Variants in BICC1 observed in about 807,000 individuals in gnomAD.
The protein encoded by BICC1 is protein bicaudal C homolog 1.
In BICC1, 43 loss-of-function variants were observed where a neutral mutation model predicts 111.0. The observed-to-expected ratio is 0.39, with a 90% CI of 0.30 to 0.50. The LOEUF is 0.50. BICC1 is among the 20% of genes least tolerant of loss of function. BICC1 has a pLI of 0.88. For synonymous variants in BICC1, 467 were observed against 434.4 expected, an observed-to-expected ratio of 1.07 and a Z score of -0.93; for missense variants, 1,091 against 1,203.2, an observed-to-expected ratio of 0.91 and a Z score of 1.38.
At chr10:58,766,171 T>A (rs1842450392) in intron 3 of BICC1, among the ~76,000 whole-genome samples, 1 of 152,248 alleles carries the variant, frequency 6.6e-6, no homozygotes, top group Middle Eastern at 3.4e-3. Flanking sequence ...CTGCTTAGCA[T>A]CTGGTAGTTG....
intron 1 of BICC1, among the ~76,000 whole-genome samples, chr10:58,549,661 T>G (rs1260725375): frequency 6.6e-6 from 1 of 151,748 alleles, no homozygotes; most frequent in Non-Finnish European, 1.5e-5. Flanking sequence ...ATTGTTGAGT[T>G]TCAAGAATTG....
intron 1 of BICC1, among the ~76,000 whole-genome samples, chr10:58,513,966 T>C (rs1383901522): frequency 6.6e-6 from 1 of 152,230 alleles, no homozygotes. Flanking sequence ...GACAGGCTTA[T>C]AAAACACATC....
At chr10:58,560,305 C>G (rs1158474684) in intron 1 of BICC1, among the ~76,000 whole-genome samples, 1 of 151,996 alleles carries the variant, frequency 6.6e-6, no homozygotes, top group Non-Finnish European at 1.5e-5. Flanking sequence ...TTGTATGTGT[C>G]AAGGGATTTA....
chr10:58,582,550 T>C (rs2132015182), intron 1 of BICC1, among the ~76,000 whole-genome samples: 1 of 152,354 alleles, frequency 6.6e-6, no homozygotes, highest in Non-Finnish European at 1.5e-5. Flanking sequence ...CACTTGTATT[T>C]CCTATTGTTG....
intron 2 of BICC1, among the ~76,000 whole-genome samples, chr10:58,668,400 C>T (rs1839082833): frequency 6.6e-6 from 1 of 151,622 alleles, no homozygotes; most frequent in East Asian, 1.9e-4. Flanking sequence ...TTTTTTTTTC[C>T]AGATGAATTC....
At chr10:58,534,164 G>A (rs959870619) in intron 1 of BICC1, among the ~76,000 whole-genome samples, 1 of 151,690 alleles carries the variant, frequency 6.6e-6, no homozygotes, top group South Asian at 2.1e-4. Context: ...TAGAAAATAG[G>A]TAAAGGAGGG....
chr10:58,806,687 G>A lies in BICC1; in HGVS notation c.2221+64G>A, dbSNP rs370962709. On this transcript the variant is annotated intron_variant, in intron 16 of 20. Transcript: ENST00000373886. ...TAGTACACTCATAAATGTTTTTTGA[G>A]TACTCATGGTGAATCGAGAACTTGA... 1.0e-5 allele frequency: 14 copies of A among 1,359,566 alleles called. No individual in the cohort carries two copies. In the African/African-American group the frequency reaches 1.2e-4, roughly 11 times the overall value. 84.2% of individuals were successfully genotyped at this position (1,359,566 alleles called of 1,614,324 possible).
At chr10:58,628,559 A>G (rs1048049021) in intron 2 of BICC1, among the ~76,000 whole-genome samples, 5 of 151,980 alleles carry the variant, frequency 3.3e-5, no homozygotes, top group Non-Finnish European at 5.9e-5. Flanking sequence ...TTTCTTATTT[A>G]TCATATGACT....
At chr10:58,652,438 A>C (rs1250591751) in intron 2 of BICC1, among the ~76,000 whole-genome samples, 2 of 152,120 alleles carry the variant, frequency 1.3e-5, no homozygotes, top group Non-Finnish European at 1.5e-5. Context: ...TTTATAATAA[A>C]GCAAATTGAA....
At chr10:58,691,446 T>A (rs1839904565) in intron 2 of BICC1, among the ~76,000 whole-genome samples, 1 of 152,186 alleles carries the variant, frequency 6.6e-6, no homozygotes, top group Non-Finnish European at 1.5e-5. Flanking sequence ...CCCCAAGACC[T>A]GTTCTTCACT....
intron 3 of BICC1, among the ~76,000 whole-genome samples, chr10:58,762,905 A>T (rs1167036840): frequency 6.6e-6 from 1 of 151,404 alleles, no homozygotes; most frequent in African/African-American, 2.4e-5. Context: ...GGCCCAGTAC[A>T]TTCTTCAGTG....
chr10:58,512,872 A>T lies in BICC1; in HGVS notation c.-272A>T, dbSNP rs1842127594. Among the ~76,000 whole-genome samples, 1 of 147,760 alleles carries T rather than the reference A, an allele frequency of 6.8e-6. No homozygotes were observed. Among genetic ancestry groups the T allele is most frequent in the Non-Finnish European group, 1.5e-5 (1 of 66,352 alleles). The stretch of plus-strand genomic sequence containing the variant: ...GAGGCGCGGGCAGCGCGGCGCGCTC[A>T]TTCCGCGCGGGCGTTGCTGGCGGGG... On this transcript the variant is annotated 5_prime_UTR_variant, in exon 1 of 21. Transcript: ENST00000373886.
intron 3 of BICC1, among the ~76,000 whole-genome samples, chr10:58,763,988 A>C (rs561496171): frequency 6.6e-6 from 1 of 152,302 alleles, no homozygotes; most frequent in Non-Finnish European, 1.5e-5. Flanking sequence ...ATGAAGACTC[A>C]CAGGCATGGA....
rs577725804 is a variant in BICC1 at position 58,813,923 on chromosome 10, C to T, written c.2470C>T (p.Pro824Ser). Residue 824 changes from proline to serine, a missense_variant, in exon 18 of 21, where the codon CCT (proline) becomes TCT (serine). Pro to Ser is a moderately conservative substitution (Grantham distance 74). Coordinates refer to ENST00000373886, the MANE Select transcript of BICC1 (RefSeq NM_001080512.3). ...DNWRDRNGIGPGSHSEFAASI... is the reference protein window; with the variant it reads ...DNWRDRNGIGSGSHSEFAASI... ...CTGGAGAGACCGAAATGGAATTGGACCTGGAAGTCATAGTGAATTTGCAGC... is the reference window on the plus strand; with the variant it reads ...CTGGAGAGACCGAAATGGAATTGGATCTGGAAGTCATAGTGAATTTGCAGC... 4.3e-6 allele frequency: 7 copies of T among 1,614,002 alleles called. No individual in the cohort carries two copies. In the African/African-American group the frequency reaches 6.7e-5, roughly 15 times the overall value.
intron 17 of BICC1, among the ~76,000 whole-genome samples, chr10:58,808,059 A>G (rs1264333870): frequency 6.7e-6 from 1 of 149,614 alleles, no homozygotes; most frequent in Non-Finnish European, 1.5e-5. Flanking sequence ...GATGAAACAC[A>G]AAAGCAAACA....
At chr10:58,602,595 C>T (rs1297411372) in intron 1 of BICC1, among the ~76,000 whole-genome samples, 1 of 152,018 alleles carries the variant, frequency 6.6e-6, no homozygotes, top group Non-Finnish European at 1.5e-5. Context: ...ATGGCTTAGC[C>T]CTCAAAGCAT....
chr10:58,664,614 C>A (rs950964835), intron 2 of BICC1, among the ~76,000 whole-genome samples: 2 of 151,224 alleles, frequency 1.3e-5, no homozygotes, highest in Non-Finnish European at 2.9e-5. Context: ...TTTAAAAGTT[C>A]TATCTGATAT....
intron 3 of BICC1, among the ~76,000 whole-genome samples, chr10:58,739,202 G>C (rs1261798851): frequency 2.0e-5 from 3 of 152,136 alleles, no homozygotes; most frequent in Non-Finnish European, 4.4e-5. Flanking sequence ...CATTCAATAT[G>C]ATATTGGCTG....
At chr10:58,705,449 A>G (rs1489593849) in intron 3 of BICC1, among the ~76,000 whole-genome samples, 2 of 152,140 alleles carry the variant, frequency 1.3e-5, no homozygotes, top group South Asian at 2.1e-4. Context: ...AGTGATGACA[A>G]CCTCATTGTT....
Sources: allele counts gnomAD v4.1 joint callset (sites outside exome capture counted in the v4.1 genomes callset), GRCh38; gene constraint gnomAD v4.1.1; transcripts MANE v1.5; gene names NCBI Gene and HGNC (gene_info 2026-07-23, HGNC 2026-07-21).